The following ELAC2 variants were observed in gnomAD, a reference collection of about 807,000 sequenced individuals.
The protein encoded by ELAC2 is zinc phosphodiesterase ELAC protein 2.
ELAC2 carries 92 observed loss-of-function variants against 105.2 expected under a neutral mutation model. That is an observed-to-expected ratio of 0.87 (90% confidence interval 0.74 to 1.04). The LOEUF (loss-of-function observed/expected upper bound fraction) is 1.04, where lower values mean the gene tolerates loss of function less well. ELAC2 is among the 50% of genes least tolerant of loss of function. The probability of loss-of-function intolerance (pLI) is 0.00; values close to 1 mark genes in which losing one functional copy is unlikely to be tolerated. For missense variants in ELAC2, 1,099 were observed against 1,071.7 expected (o/e 1.03, Z -0.36); for synonymous variants, 468 against 409.1 (o/e 1.14, Z -1.74).
intron 11 of ELAC2, among the ~76,000 whole-genome samples, chr17:13,004,578 C>T (rs531995562): frequency 6.6e-6 from 1 of 152,268 alleles, no homozygotes; most frequent in South Asian, 2.1e-4. Context: ...TCCCATAACA[C>T]GGACTCTTGA....
intron 9 of ELAC2, 34 bp downstream of exon 9, chr17:13,005,887 G>C (rs937453842): frequency 3.1e-6 from 5 of 1,613,980 alleles, no homozygotes; most frequent in Admixed American, 1.7e-5. Context: ...GGTGTACCCA[G>C]TGAGTCCCCA....
In ELAC2 at chr17:12,992,625, A is replaced by G; in HGVS notation, c.*193T>C. ...CTCCTGGCCCGCGGCTGTGCCAGGC[A>G]CCAGTCCTAAGAGGCATCTATAGAC... On this transcript the variant is annotated 3_prime_UTR_variant, in exon 24 of 24. Transcript: ENST00000338034. The G allele has an allele frequency of 1.6e-6, 1 of 633,500 alleles. No homozygotes were observed. Among genetic ancestry groups the G allele is most frequent in the Non-Finnish European group, 2.7e-6 (1 of 367,610 alleles). 39.2% of individuals were successfully genotyped at this position (633,500 alleles called of 1,614,324 possible).
intron 5 of ELAC2, 130 bp from the exon 6 acceptor site, chr17:13,013,405 A>G: frequency 1.0e-6 from 1 of 959,822 alleles, no homozygotes; most frequent in Non-Finnish European, 1.6e-6. Flanking sequence ...CACGAAAACC[A>G]GACTTTCTAA....
Position 13,016,838 on chromosome 17 carries a change from T to C in ELAC2, c.367+24A>G, listed in dbSNP as rs773381153. 1.9e-6 allele frequency: 3 copies of C among 1,612,722 alleles called. No homozygotes were observed. The South Asian group carries it at 3.3e-5, about 18-fold the overall frequency. On this transcript the variant is annotated intron_variant, in intron 3 of 23. Coordinates refer to ENST00000338034, the MANE Select transcript of ELAC2 (RefSeq NM_018127.7). ...ATCCCAGAGACTTCCCACCAGCCTC[T>C]GACACTGCAAAGAATATACTCACCA...
Position 12,996,676 on chromosome 17 carries a change from CG to C in ELAC2, c.1529del (p.Thr510SerfsTer95). ...CCTCACCACAGTCCAGTAGCAGAGA[CG>C]TGTCGGGGCTGCAGAAGAGAAGAGG... ...SATLVNISPDTSLLLDCGEGT... is the reference protein window; with the variant it reads ...SATLVNISPDXSLLLDCGEGT... On this transcript the variant is annotated frameshift_variant, in exon 17 of 24. Coordinates refer to ENST00000338034, the MANE Select transcript of ELAC2 (RefSeq NM_018127.7). LOFTEE classifies it high-confidence loss of function. 1 of 1,613,552 alleles carries C rather than the reference CG, an allele frequency of 6.2e-7. No individual in the cohort carries two copies. Among genetic ancestry groups the C allele is most frequent in the Non-Finnish European group, 8.5e-7 (1 of 1,179,888 alleles).
rs58842254 is a variant in ELAC2, at chr17:13,002,905, A to G, written c.1080-326T>C. ...GAGAGCAGGCCATGGAGTGAGGGGC[A>G]GGTAAACGGGCCATGTGGGGAGATA... is the stretch of plus-strand genomic sequence containing the variant. On this transcript the variant is annotated intron_variant, in intron 12 of 23. Coordinates refer to ENST00000338034, the MANE Select transcript of ELAC2 (RefSeq NM_018127.7). Among the ~76,000 whole-genome samples the G allele has an allele frequency of 0.28, 43,332 of 152,094 alleles. 6,270 individuals carry two copies. The highest frequency in any genetic ancestry group is 0.35 in the South Asian group (1,669 of 4,820).
At chr17:13,013,927 A>G (rs920986386) in intron 5 of ELAC2, among the ~76,000 whole-genome samples, 7 of 152,206 alleles carry the variant, frequency 4.6e-5, no homozygotes, top group Non-Finnish European at 8.8e-5. Context: ...CAGCATGTAC[A>G]CAGGCAGGCA....
At chr17:13,013,341 A>C in intron 5 of ELAC2, 66 bp from the exon 6 acceptor site, 1 of 1,531,154 alleles carries the variant, frequency 6.5e-7, no homozygotes, top group Non-Finnish European at 9.0e-7. Context: ...GAGTAACTTC[A>C]GGATCACCAA....
chr17:12,996,471 G>A (rs934826808), intron 17 of ELAC2, 76 bp downstream of exon 17: 180 of 1,605,990 alleles, frequency 1.1e-4, no homozygotes, highest in Non-Finnish European at 1.5e-4. Context: ...CGGAGGAAAA[G>A]ACGCAGCCAA....
At position 13,017,790 on chromosome 17, in the gene ELAC2, C is replaced by T. The variant is rs1207509267; in HGVS notation, c.158G>A (p.Gly53Asp). Residue 53 changes from glycine to aspartate, a missense_variant, in exon 1 of 24, where the codon GGC becomes GAC. Physicochemically the swap from Gly to Asp is moderately conservative, Grantham distance 94. Coordinates refer to ENST00000338034, the MANE Select transcript of ELAC2 (RefSeq NM_018127.7). ...CTGCAGGTACACGGTGTTTGGGCCG[C>T]CGGAGCACCCCGACGGTCCGCGCTT... ...REKRGPSGCS[G>D]GPNTVYLQVV... The T allele has an allele frequency of 1.2e-6, 2 of 1,608,100 alleles. No homozygotes were observed. Among genetic ancestry groups the T allele is most frequent in the Non-Finnish European group, 1.7e-6 (2 of 1,178,040 alleles).
intron 5 of ELAC2, 21 bp from the exon 6 acceptor site, chr17:13,013,296 A>G (rs1276287372): frequency 6.2e-7 from 1 of 1,613,604 alleles, no homozygotes; most frequent in East Asian, 2.2e-5. Flanking sequence ...ACCACACAAC[A>G]GCAAAGTGAT....
chr17:12,993,158 G>T, intron 23 of ELAC2, 113 bp from the exon 24 acceptor site: 2 of 1,136,184 alleles, frequency 1.8e-6, no homozygotes, highest in Non-Finnish European at 1.3e-6. Flanking sequence ...CCCCTTCCTT[G>T]GCACAAGCCA....
intron 12 of ELAC2, 115 bp from the exon 13 acceptor site, chr17:13,002,694 C>G: frequency 1.3e-6 from 2 of 1,511,628 alleles, no homozygotes; most frequent in South Asian, 2.4e-5. Context: ...AGTTCAGTGA[C>G]TTGCCCCAAG....
rs141665060 is a variant in ELAC2 at position 12,992,131 on chromosome 17, AT to A, written c.*686del. ...AGCCAGGCTCTCACTGATTGATTTG[AT>A]TGATTGATTGATTGATTGATAGAGA... On this transcript the variant is annotated 3_prime_UTR_variant, in exon 24 of 24. Transcript: ENST00000338034. Among the ~76,000 whole-genome samples, 3 of 91,772 alleles carry A rather than the reference AT, an allele frequency of 3.3e-5. No homozygotes were observed. Among genetic ancestry groups the A allele is most frequent in the African/African-American group, 9.5e-5 (3 of 31,458 alleles). 60.2% of individuals were successfully genotyped at this position (91,772 alleles called of 152,430 possible).
At position 13,017,914 on chromosome 17, in the gene ELAC2, C is replaced by G. The variant is rs1429631930; in HGVS notation, c.34G>C (p.Ala12Pro). The change falls in exon 1 of 24, where the codon GCC (alanine) becomes CCC (proline). Residue 12 changes from alanine (A) to proline (P), a missense_variant. Physicochemically the swap from Ala to Pro is conservative, Grantham distance 27. Transcript: ENST00000338034. The stretch of plus-strand genomic sequence containing the variant: ...CGTCCCTGCGACATGGTGCGTCCGG[C>G]CGCGGACCGCAGCAGCGAGCAAAGC... ...WALCSLLRSAAGRTMSQGRTI... is the reference protein window; with the variant it reads ...WALCSLLRSAPGRTMSQGRTI... 1 of 1,540,562 alleles carries G rather than the reference C, an allele frequency of 6.5e-7. No individual in the cohort carries two copies. The highest frequency in any genetic ancestry group is 2.0e-5 in the Admixed American group (1 of 51,030).
chr17:13,003,642 GC>G, intron 11 of ELAC2, 68 bp from the exon 12 acceptor site: 1 of 1,421,906 alleles, frequency 7.0e-7, no homozygotes, highest in Non-Finnish European at 9.9e-7. Context: ...GGACCACGCA[GC>G]CAGGGAGGGG....
intron 15 of ELAC2, 75 bp from the exon 16 acceptor site, chr17:12,998,583 C>T (rs750408138): frequency 7.4e-7 from 1 of 1,357,830 alleles, no homozygotes; most frequent in Non-Finnish European, 1.1e-6. Context: ...TGAGAAGGTG[C>T]AATGGTTTGA....
chr17:12,992,731 C>T lies in ELAC2; in HGVS notation c.*87G>A. 6.5e-7 allele frequency: 1 copy of T among 1,529,486 alleles called. No homozygotes were observed. Among genetic ancestry groups the T allele is most frequent in the Non-Finnish European group, 9.0e-7 (1 of 1,110,862 alleles). 94.7% of individuals were successfully genotyped at this position (1,529,486 alleles called of 1,614,324 possible). Reference sequence around the variant, plus strand: ...CTGCCTCCTGGGGGACCGTGCTCTTCAGCTTCTACCAGCAAGGAGGGCAGA... The same window carrying T: ...CTGCCTCCTGGGGGACCGTGCTCTTTAGCTTCTACCAGCAAGGAGGGCAGA... On this transcript the variant is annotated 3_prime_UTR_variant, in exon 24 of 24. Coordinates refer to ENST00000338034, the MANE Select transcript of ELAC2 (RefSeq NM_018127.7).
chr17:13,005,134 T>C, intron 10 of ELAC2, 33 bp from the exon 11 acceptor site: 1 of 1,500,282 alleles, frequency 6.7e-7, no homozygotes, highest in Non-Finnish European at 9.3e-7. Flanking sequence ...CCACTGGGGG[T>C]CACAGCTCAG....
Sources: allele counts gnomAD v4.1 joint callset (sites outside exome capture counted in the v4.1 genomes callset), GRCh38; gene constraint gnomAD v4.1.1; transcripts MANE v1.5; gene names NCBI Gene and HGNC (gene_info 2026-07-23, HGNC 2026-07-21).